Variants in NKAIN2 observed in about 807,000 individuals in gnomAD.
NKAIN2 encodes sodium/potassium transporting ATPase interacting 2.
In NKAIN2, 14 loss-of-function variants were observed where a neutral mutation model predicts 32.6. That is an observed-to-expected ratio of 0.43 (90% CI 0.28 to 0.67). The LOEUF (loss-of-function observed/expected upper bound fraction) is 0.67, where lower values mean the gene tolerates loss of function less well. NKAIN2 is among the 30% of genes least tolerant of loss of function. The pLI, the probability that NKAIN2 is intolerant of heterozygous loss-of-function variation, is 0.17. For missense variants in NKAIN2, 198 were observed against 258.3 expected, an observed-to-expected ratio of 0.77 and a Z score of 1.60; for synonymous variants, 80 against 87.2, an observed-to-expected ratio of 0.92 and a Z score of 0.46.
At chr6:124,533,656 C>A (rs1462706550) in intron 3 of NKAIN2, among the ~76,000 whole-genome samples, 1 of 152,020 alleles carries the variant, frequency 6.6e-6, no homozygotes, top group African/African-American at 2.4e-5. Context: ...AAATATTATA[C>A]ATGAAGTACT....
At position 124,578,335 on chromosome 6, in the gene NKAIN2, T is replaced by G. The variant is rs114555466; in HGVS notation, c.274-79851T>G. On this transcript the variant is annotated intron_variant, in intron 3 of 6. Coordinates refer to ENST00000368417, the MANE Select transcript of NKAIN2 (RefSeq NM_001040214.3). The stretch of plus-strand genomic sequence containing the variant: ...CTGCTCTGCTCTGGGTCAGAGAGCA[T>G]CCTACTGTCCTGAAGGGAGAGTCTC... Among the ~76,000 whole-genome samples the G allele has an allele frequency of 3.3e-3, 499 of 149,828 alleles. 3 individuals carry two copies. Among genetic ancestry groups the G allele is most frequent in the African/African-American group, 0.011 (460 of 40,696 alleles).
chr6:124,000,372 T>A (rs191758042), intron 1 of NKAIN2, among the ~76,000 whole-genome samples: 1 of 152,164 alleles, frequency 6.6e-6, no homozygotes, highest in East Asian at 1.9e-4. Context: ...ATATTTGTCT[T>A]GTATTTACCT....
chr6:124,456,723 C>T (rs180922805), intron 3 of NKAIN2, among the ~76,000 whole-genome samples: 286 of 151,674 alleles, frequency 1.9e-3, no homozygotes, highest in African/African-American at 6.6e-3. Flanking sequence ...TTTTAGAATG[C>T]CATTTGTCTT....
chr6:123,948,649 A>C (rs924744303), intron 1 of NKAIN2, among the ~76,000 whole-genome samples: 1 of 51,294 alleles, frequency 1.9e-5, no homozygotes, highest in Non-Finnish European at 3.9e-5. Context: ...TTCCTTGTGT[A>C]TTCTGGATAT....
intron 3 of NKAIN2, among the ~76,000 whole-genome samples, chr6:124,463,537 T>C (rs1372895809): frequency 6.6e-6 from 1 of 152,072 alleles, no homozygotes; most frequent in African/African-American, 2.4e-5. Context: ...GTCCCTCAAG[T>C]GTTCTACCAC....
At chr6:124,230,242 G>C (rs533509565) in intron 1 of NKAIN2, among the ~76,000 whole-genome samples, 1 of 152,234 alleles carries the variant, frequency 6.6e-6, no homozygotes, top group Non-Finnish European at 1.5e-5. Context: ...TTGAACTTGA[G>C]AGAGATGATT....
In NKAIN2 at chr6:124,159,339, G is replaced by A. The variant is rs567129803; in HGVS notation, c.55-123666G>A. Among the ~76,000 whole-genome samples the A allele has an allele frequency of 5.3e-5, 8 of 152,222 alleles. No homozygotes were observed. In the East Asian group the frequency reaches 5.8e-4, roughly 11 times the overall value. ...GGAAAATTATTTTGATTGCGATGGG[G>A]TATGGTAAAACCACTCAGGGACTCT... On this transcript the variant is annotated intron_variant, in intron 1 of 6. Coordinates refer to ENST00000368417, the MANE Select transcript of NKAIN2 (RefSeq NM_001040214.3).
intron 1 of NKAIN2, among the ~76,000 whole-genome samples, chr6:124,071,369 C>T (rs1047952764): frequency 6.6e-6 from 1 of 151,982 alleles, no homozygotes; most frequent in Non-Finnish European, 1.5e-5. Context: ...TATAAGAATC[C>T]TAGAAGAAAA....
intron 3 of NKAIN2, among the ~76,000 whole-genome samples, chr6:124,563,926 C>T (rs900476621): frequency 2.6e-5 from 4 of 152,052 alleles, no homozygotes; most frequent in Admixed American, 6.5e-5. Context: ...GGGAATGCAG[C>T]GAGTCATTAT....
intron 2 of NKAIN2, among the ~76,000 whole-genome samples, chr6:124,341,960 C>T (rs1202227057): frequency 6.6e-6 from 1 of 152,080 alleles, no homozygotes; most frequent in Admixed American, 6.6e-5. Context: ...AGAATAAGAC[C>T]ATGGTGAGAA....
At chr6:124,695,374 A>C (rs1774450829) in intron 4 of NKAIN2, among the ~76,000 whole-genome samples, 1 of 152,186 alleles carries the variant, frequency 6.6e-6, no homozygotes, top group African/African-American at 2.4e-5. Context: ...AGGGTTTCTT[A>C]GGGCAAATCT....
chr6:124,300,248 G>A (rs1293605338), intron 2 of NKAIN2, among the ~76,000 whole-genome samples: 1 of 152,100 alleles, frequency 6.6e-6, no homozygotes, highest in Non-Finnish European at 1.5e-5. Flanking sequence ...TAGTGAATAA[G>A]TCTCAAAGAT....
At chr6:124,203,293 A>G (rs1582841247) in intron 1 of NKAIN2, among the ~76,000 whole-genome samples, 1 of 151,834 alleles carries the variant, frequency 6.6e-6, no homozygotes, top group African/African-American at 2.4e-5. Context: ...AGAGTAGAGA[A>G]TAACTGAAGA....
chr6:124,356,968 C>A (rs951201600), intron 3 of NKAIN2, among the ~76,000 whole-genome samples: 11 of 152,126 alleles, frequency 7.2e-5, no homozygotes, highest in African/African-American at 2.7e-4. Flanking sequence ...TTGAGCAAAG[C>A]TGGCTGCACA....
At chr6:124,299,760 T>A (rs1796223235) in intron 2 of NKAIN2, among the ~76,000 whole-genome samples, 1 of 152,224 alleles carries the variant, frequency 6.6e-6, no homozygotes, top group Admixed American at 6.5e-5. Flanking sequence ...AAAAGTTAAT[T>A]AGACTGAATT....
At chr6:124,337,552 A>T (rs1797930727) in intron 2 of NKAIN2, among the ~76,000 whole-genome samples, 1 of 152,104 alleles carries the variant, frequency 6.6e-6, no homozygotes, top group Admixed American at 6.5e-5. Flanking sequence ...AAACTTAAGC[A>T]CCTAGTTTAG....
intron 1 of NKAIN2, among the ~76,000 whole-genome samples, chr6:124,215,057 A>G (rs575143919): frequency 6.6e-6 from 1 of 152,342 alleles, no homozygotes; most frequent in South Asian, 2.1e-4. Flanking sequence ...GAACTGAGGA[A>G]AAAGATCTAT....
chr6:124,227,787 G>A (rs1427544881), intron 1 of NKAIN2, among the ~76,000 whole-genome samples: 3 of 152,200 alleles, frequency 2.0e-5, no homozygotes, highest in Non-Finnish European at 4.4e-5. Flanking sequence ...ACTGAGGGCA[G>A]ATGGGCCTTC....
intron 1 of NKAIN2, among the ~76,000 whole-genome samples, chr6:124,167,750 G>A (rs802224): frequency 0.77 from 116,725 of 152,008 alleles, 46,792 homozygotes; most frequent in Non-Finnish European, 0.88. Context: ...TTTTGTCAAA[G>A]GCCTTTTCTG....
Sources: allele counts gnomAD v4.1 joint callset (sites outside exome capture counted in the v4.1 genomes callset), GRCh38; gene constraint gnomAD v4.1.1; transcripts MANE v1.5; gene names NCBI Gene and HGNC (gene_info 2026-07-23, HGNC 2026-07-21).